PCDHGB2: variants seen among roughly 807,000 people sequenced by gnomAD.
PCDHGB2 encodes protocadherin gamma subfamily B, 2.
PCDHGB2 carries 55 observed loss-of-function variants against 59.3 expected under a neutral mutation model. That is an observed-to-expected ratio of 0.93 (90% CI 0.75 to 1.16). The LOEUF (loss-of-function observed/expected upper bound fraction) is 1.16. Ranked by LOEUF, PCDHGB2 falls within the 50% of genes most tolerant of loss-of-function variation. The pLI, the probability that PCDHGB2 is intolerant of heterozygous loss-of-function variation, is 0.00. For missense variants in PCDHGB2, 1,228 were observed against 1,198.5 expected (o/e 1.02, Z -0.36); for synonymous variants, 516 against 512.0 (o/e 1.01, Z -0.11).
At chr5:141,410,619 C>T (rs757187051) in intron 1 of PCDHGB2, 8 of 1,603,614 alleles carry the variant, frequency 5.0e-6, no homozygotes, top group Admixed American at 3.3e-5. Flanking sequence ...ACTCTGACTT[C>T]GGTGAGTTTC....
Position 141,360,689 on chromosome 5 carries a change from C to CT in PCDHGB2, c.555dup (p.Pro186SerfsTer5). The CT allele has an allele frequency of 6.2e-7, 1 of 1,613,992 alleles. No individual in the cohort carries two copies. The highest frequency in any genetic ancestry group is 8.5e-7 in the Non-Finnish European group (1 of 1,179,896). On this transcript the variant is annotated frameshift_variant, in exon 1 of 4. Transcript: ENST00000522605. LOFTEE classifies it high-confidence loss of function. Reference sequence around the variant, plus strand: ...TACTTTGATCTCGCTGAGAAACAGACTCCAGATGGTCGTAAATATCCTGAG... The same window carrying CT: ...TACTTTGATCTCGCTGAGAAACAGACTTCCAGATGGTCGTAAATATCCTGAG...
intron 1 of PCDHGB2, chr5:141,376,844 G>C (rs897403160): frequency 1.7e-5 from 4 of 242,114 alleles, no homozygotes; most frequent in Non-Finnish European, 3.2e-5. Context: ...CCGCCACCGC[G>C]CCCGGCTAAT....
intron 1 of PCDHGB2, chr5:141,413,123 A>T: frequency 6.5e-7 from 1 of 1,526,818 alleles, no homozygotes. Flanking sequence ...GAACCGGTTG[A>T]AACACACAAC....
intron 2 of PCDHGB2, among the ~76,000 whole-genome samples, chr5:141,503,800 C>T (rs756250566): frequency 1.3e-5 from 2 of 151,994 alleles, no homozygotes; most frequent in South Asian, 2.1e-4. Flanking sequence ...TACTTAGGGA[C>T]GGGGAATCCC....
At chr5:141,412,917 G>C (rs918712966) in intron 1 of PCDHGB2, 2 of 410,214 alleles carry the variant, frequency 4.9e-6, no homozygotes, top group African/African-American at 2.1e-5. Context: ...GTATCACTTG[G>C]GTGCAGTAAC....
At chr5:141,478,333 G>C in intron 1 of PCDHGB2, 5 of 1,613,928 alleles carry the variant, frequency 3.1e-6, no homozygotes, top group Non-Finnish European at 4.2e-6. Flanking sequence ...GAACACCAGG[G>C]CCCTCCTTGC....
intron 1 of PCDHGB2, chr5:141,375,864 T>G: frequency 6.2e-7 from 1 of 1,613,866 alleles, no homozygotes; most frequent in African/African-American, 1.3e-5. Context: ...GTGGTGGCGG[T>G]GGACAGAGAC....
intron 1 of PCDHGB2, chr5:141,410,037 G>A: frequency 1.2e-6 from 2 of 1,613,250 alleles, no homozygotes; most frequent in Non-Finnish European, 1.7e-6. Flanking sequence ...CTGCAGGCCA[G>A]TGAGCCCGGA....
At chr5:141,399,309 C>G (rs2093783867) in intron 1 of PCDHGB2, 1 of 1,613,902 alleles carries the variant, frequency 6.2e-7, no homozygotes, top group Non-Finnish European at 8.5e-7. Context: ...TCTCTTCATC[C>G]AAAAATTCGT....
At chr5:141,414,883 G>A (rs572616023) in intron 1 of PCDHGB2, 1 of 1,614,176 alleles carries the variant, frequency 6.2e-7, no homozygotes, top group South Asian at 1.1e-5. Context: ...CCTGTACCCC[G>A]CCCTCCCCAC....
intron 1 of PCDHGB2, chr5:141,410,606 G>C: frequency 1.2e-6 from 2 of 1,607,214 alleles, no homozygotes; most frequent in Non-Finnish European, 1.7e-6. Flanking sequence ...TTCACATCCT[G>C]AGACTCTGAC....
chr5:141,383,357 C>A lies in PCDHGB2; in HGVS notation c.2421+20801C>A, dbSNP rs769784659. The A allele has an allele frequency of 9.9e-6, 16 of 1,613,956 alleles. No homozygotes were observed. The South Asian group carries it at 1.8e-4, about 18-fold the overall frequency. ...AATACAGCTCCTGGGGTTCGGTTTC[C>A]GTTAAGCGAGGCTGGGGATCCAGAT... On this transcript the variant is annotated intron_variant, in intron 1 of 3. Transcript: ENST00000522605.
At chr5:141,499,019 AGGAAGGAAGAAAAG>A (rs2099788655) in intron 2 of PCDHGB2, among the ~76,000 whole-genome samples, 1 of 150,840 alleles carries the variant, frequency 6.6e-6, no homozygotes, top group Non-Finnish European at 1.5e-5. Flanking sequence ...GAAGGAAGGA[AGGAAGGAAGAAAAG>A]AAAGAAAAAG....
intron 1 of PCDHGB2, among the ~76,000 whole-genome samples, chr5:141,483,057 C>T (rs1329609397): frequency 6.6e-6 from 1 of 152,028 alleles, no homozygotes; most frequent in African/African-American, 2.4e-5. Flanking sequence ...TGCACTCCAG[C>T]ATGGGCAACA....
In PCDHGB2 at chr5:141,486,671, C is replaced by A. The variant is rs1307620045; in HGVS notation, c.2422-8136C>A. On this transcript the variant is annotated intron_variant, in intron 1 of 3. Coordinates refer to ENST00000522605, the MANE Select transcript of PCDHGB2 (RefSeq NM_018923.3). The surrounding 1 kb of genome is among the most constrained non-coding windows in gnomAD (Gnocchi z 5.0). The stretch of plus-strand genomic sequence containing the variant: ...CTACTCACTCCTGGAGCCCAGGAAT[C>A]GAGATGTATCAGCTTCCTCTTTCAT... 1.9e-6 allele frequency: 3 copies of A among 1,614,044 alleles called. No individual in the cohort carries two copies. The highest frequency in any genetic ancestry group is 2.5e-6 in the Non-Finnish European group (3 of 1,180,014).
At position 141,489,358 on chromosome 5, in the gene PCDHGB2, G is replaced by A; in HGVS notation, c.2422-5449G>A. On this transcript the variant is annotated intron_variant, in intron 1 of 3. Transcript: ENST00000522605. This position sits in a 1 kb window ranked among gnomAD's most constrained non-coding sequence, Gnocchi z 4.5. ...TCGTTACTCAGTGGTGGAGGAGTCT[G>A]AGCCGGGGACGCTGGTGGGGAATGT... 1 of 1,613,144 alleles carries A rather than the reference G, an allele frequency of 6.2e-7. No individual in the cohort carries two copies. The highest frequency in any genetic ancestry group is 8.5e-7 in the Non-Finnish European group (1 of 1,179,278).
intron 1 of PCDHGB2, chr5:141,400,199 C>G (rs1561675523): frequency 2.5e-6 from 4 of 1,614,048 alleles, no homozygotes; most frequent in Admixed American, 1.7e-5. Flanking sequence ...CTAGTGGTGG[C>G]CTTGGCCTTG....
intron 1 of PCDHGB2, chr5:141,367,674 T>C (rs1765283740): frequency 6.6e-6 from 1 of 152,182 alleles, no homozygotes. Context: ...TGTGGGCTTG[T>C]TGAGAGAAGA....
intron 1 of PCDHGB2, chr5:141,430,990 GA>G (rs1185464233): frequency 1.2e-6 from 2 of 1,613,970 alleles, no homozygotes; most frequent in East Asian, 4.5e-5. Context: ...TTTTCGCCCT[GA>G]ATCCGCGCAG....
Sources: allele counts gnomAD v4.1 joint callset (sites outside exome capture counted in the v4.1 genomes callset), GRCh38; gene constraint gnomAD v4.1.1; non-coding constraint Gnocchi (gnomAD v3.1); transcripts MANE v1.5; gene names NCBI Gene and HGNC (gene_info 2026-07-23, HGNC 2026-07-21).